CPD: variants seen among roughly 807,000 people sequenced by gnomAD.
The protein encoded by CPD is carboxypeptidase D, also known as metallocarboxypeptidase D.
In CPD, 69 loss-of-function variants were observed where a neutral mutation model predicts 138.3. That is an observed-to-expected ratio of 0.50 (90% CI 0.41 to 0.61). The LOEUF (loss-of-function observed/expected upper bound fraction) is 0.61. CPD is among the 20% of genes least tolerant of loss of function. The pLI is 0.00. For missense variants in CPD, 1,432 were observed against 1,733.3 expected, an observed-to-expected ratio of 0.83 and a Z score of 3.09; for synonymous variants, 651 against 642.1, an observed-to-expected ratio of 1.01 and a Z score of -0.21.
chr17:30,417,501 C>G (rs1175805162), intron 2 of CPD, among the ~76,000 whole-genome samples: 2 of 152,138 alleles, frequency 1.3e-5, no homozygotes, highest in Non-Finnish European at 2.9e-5. Flanking sequence ...CCTTTCTGCT[C>G]AATTACTCTT....
At chr17:30,428,730 G>A (rs74776122) in intron 7 of CPD, among the ~76,000 whole-genome samples, 4,323 of 152,222 alleles carry the variant, frequency 0.028, 206 homozygotes, top group African/African-American at 0.098. Flanking sequence ...AGAGGTGATA[G>A]GGGAGTGACT....
intron 2 of CPD, among the ~76,000 whole-genome samples, chr17:30,414,700 G>A (rs550373560): frequency 1.5e-4 from 23 of 152,280 alleles, no homozygotes; most frequent in South Asian, 1.5e-3. Flanking sequence ...ATATTTTGAA[G>A]TTAGAGTCGG....
chr17:30,451,645 G>A, intron 13 of CPD, 66 bp from the exon 14 acceptor site: 1 of 1,446,034 alleles, frequency 6.9e-7, no homozygotes, highest in South Asian at 1.3e-5. Context: ...TCTGTTTGAG[G>A]CATGAGAGGG....
chr17:30,405,342 G>A (rs1479390915), intron 2 of CPD, among the ~76,000 whole-genome samples: 3 of 152,162 alleles, frequency 2.0e-5, no homozygotes, highest in Non-Finnish European at 4.4e-5. Flanking sequence ...TACCTGTGGA[G>A]ATATTTACCC....
At chr17:30,443,472 A>C (rs1912935139) in intron 10 of CPD, among the ~76,000 whole-genome samples, 1 of 152,178 alleles carries the variant, frequency 6.6e-6, no homozygotes, top group South Asian at 2.1e-4. Context: ...GAACTATAAG[A>C]GTCCTTCTGT....
At chr17:30,408,147 A>G (rs979121276) in intron 2 of CPD, among the ~76,000 whole-genome samples, 1 of 151,724 alleles carries the variant, frequency 6.6e-6, no homozygotes, top group Non-Finnish European at 1.5e-5. Flanking sequence ...TGTTATTTCT[A>G]AGGCCTCTGT....
At position 30,449,685 on chromosome 17, in the gene CPD, A is replaced by G. The variant is rs1278251893; in HGVS notation, c.3006A>G (p.Glu1002=). Residue 1002 remains glutamate, a synonymous_variant, in exon 13 of 21, where the codon GAA becomes GAG. Coordinates refer to ENST00000225719, the MANE Select transcript of CPD (RefSeq NM_001304.5). ...GIHGNAPVGT[E]LLLALAEFLC... is the part of the protein sequence containing the mutation. ...ATGGAAATGCGCCAGTTGGAACTGA[A>G]CTGCTTTTGGCTCTGGCAGAATTTC... 3.7e-6 allele frequency: 6 copies of G among 1,602,352 alleles called. No homozygotes were observed. Among genetic ancestry groups the G allele is most frequent in the Admixed American group, 1.8e-5 (1 of 56,178 alleles).
chr17:30,447,243 T>C (rs1048556656), intron 12 of CPD, among the ~76,000 whole-genome samples: 3 of 152,166 alleles, frequency 2.0e-5, no homozygotes, highest in African/African-American at 7.2e-5. Context: ...GACATAAAGT[T>C]CTTGCCCATG....
At chr17:30,428,462 A>G (rs1047253910) in intron 7 of CPD, among the ~76,000 whole-genome samples, 3 of 152,236 alleles carry the variant, frequency 2.0e-5, no homozygotes, top group African/African-American at 7.2e-5. Context: ...TGATAAATAG[A>G]TAAATAAAAT....
chr17:30,437,466 G>A (rs1228086481), intron 8 of CPD, among the ~76,000 whole-genome samples: 2 of 151,950 alleles, frequency 1.3e-5, no homozygotes, highest in Non-Finnish European at 2.9e-5. Flanking sequence ...GGGCAGATTC[G>A]TTGAGCCCAG....
rs762757052 is a variant in CPD, at chr17:30,456,252, A to C, written c.3338-4A>C. 6.2e-7 allele frequency: 1 copy of C among 1,607,326 alleles called. No homozygotes were observed. Among genetic ancestry groups the C allele is most frequent in the Non-Finnish European group, 8.5e-7 (1 of 1,176,672 alleles). ...CACTGACTTCTAAATTTTTCTTTCT[A>C]TAGTGGAAAATAAAGAGACTCTGAA... On this transcript the variant is annotated splice_polypyrimidine_tract_variant and splice_region_variant and intron_variant, in intron 15 of 20. Coordinates refer to ENST00000225719, the MANE Select transcript of CPD (RefSeq NM_001304.5).
At position 30,379,673 on chromosome 17, in the gene CPD, C is replaced by A; in HGVS notation, c.693C>A (p.Ala231=). 4 of 1,523,988 alleles carry A rather than the reference C, an allele frequency of 2.6e-6. No homozygotes were observed. The highest frequency in any genetic ancestry group is 1.5e-5 in the African/African-American group (1 of 68,408). The allele number at this position is 1,523,988 out of a possible 1,614,324, so 94.4% of individuals were successfully genotyped here. A position where few individuals can be genotyped will look rare whatever the true frequency, so the allele number is the denominator to read the frequency against. Residue 231 remains alanine, a synonymous_variant, in exon 1 of 21, where the codon GCC becomes GCA. Coordinates refer to ENST00000225719, the MANE Select transcript of CPD (RefSeq NM_001304.5). This position sits in a 1 kb window ranked among gnomAD's most constrained non-coding sequence, Gnocchi z 7.0. ...AGTTTAGCACCGGCGAACCCCCCGC[C>A]CTGGACGAGGTGCCCGAGGTGCGCG... The part of the protein sequence containing the change: ...PDQFSTGEPP[A]LDEVPEVRAL...
intron 14 of CPD, among the ~76,000 whole-genome samples, chr17:30,453,589 A>G (rs1419586724): frequency 6.6e-6 from 1 of 152,114 alleles, no homozygotes; most frequent in African/African-American, 2.4e-5. Flanking sequence ...GCTGTCGTGG[A>G]TCTACCATTC....
Position 30,455,457 on chromosome 17 carries a change from G to A in CPD, c.3324G>A (p.Lys1108=). The change falls in exon 15 of 21, where the codon AAG becomes AAA. Residue 1108 remains lysine, a synonymous_variant. Transcript: ENST00000225719. The part of the protein sequence containing the change: ...GSMLVTYPYD[K]PVQTVENKET... Reference sequence around the variant, plus strand: ...TGCTGGTCACATATCCTTATGACAAGCCAGTACAGACAGGTATGTAGAATG... The same window carrying A: ...TGCTGGTCACATATCCTTATGACAAACCAGTACAGACAGGTATGTAGAATG... 6.2e-7 allele frequency: 1 copy of A among 1,612,946 alleles called. No individual in the cohort carries two copies. The highest frequency in any genetic ancestry group is 8.5e-7 in the Non-Finnish European group (1 of 1,179,698).
rs898413996 is a variant in CPD, at chr17:30,449,629, G to A, written c.2950G>A (p.Glu984Lys). The A allele has an allele frequency of 3.1e-6, 5 of 1,610,942 alleles. No homozygotes were observed. The highest frequency in any genetic ancestry group is 4.2e-6 in the Non-Finnish European group (5 of 1,179,376). The change falls in exon 13 of 21, where the codon GAA becomes AAA. Residue 984 changes from glutamate (E) to lysine (K), a missense_variant. Coordinates refer to ENST00000225719, the MANE Select transcript of CPD (RefSeq NM_001304.5). ...TAAGCCCAATGTATCTGAGCCTGAA[G>A]AACCAAAGATTCGTTTTGTTGCTGG... ...SNKPNVSEPE[E>K]PKIRFVAGIH...
chr17:30,453,604 G>C (rs969350419), intron 14 of CPD, among the ~76,000 whole-genome samples: 1 of 152,194 alleles, frequency 6.6e-6, no homozygotes, highest in Non-Finnish European at 1.5e-5. Context: ...CCATTCTGGA[G>C]TCTGGAGGAT....
At chr17:30,391,057 A>G (rs1480969614) in intron 2 of CPD, among the ~76,000 whole-genome samples, 1 of 151,044 alleles carries the variant, frequency 6.6e-6, no homozygotes, top group East Asian at 1.9e-4. Context: ...CTTGAATTCC[A>G]GACCTCAAGT....
chr17:30,456,578 G>A (rs749222292), intron 17 of CPD, 52 bp downstream of exon 17: 12 of 1,561,860 alleles, frequency 7.7e-6, no homozygotes, highest in African/African-American at 2.7e-5. Context: ...GCACAATGCC[G>A]TATGTGTAAA....
At chr17:30,446,542 A>G (rs1913036597) in intron 12 of CPD, among the ~76,000 whole-genome samples, 1 of 152,196 alleles carries the variant, frequency 6.6e-6, no homozygotes, top group South Asian at 2.1e-4. Context: ...TCCATGGTGT[A>G]TATGTGCCAC....
Sources: gnomAD v4.1 joint callset for allele counts (sites outside exome capture counted in the v4.1 genomes callset) on GRCh38, gnomAD v4.1.1 for gene constraint, Gnocchi (gnomAD v3.1) non-coding constraint, MANE v1.5 for transcripts, NCBI Gene and HGNC (gene_info 2026-07-23, HGNC 2026-07-21) for gene names.